Variants in CPN1 observed in about 807,000 individuals in gnomAD.
CPN1 encodes the protein carboxypeptidase N subunit 1.
CPN1 carries 37 observed loss-of-function variants against 46.4 expected under a neutral mutation model. The observed-to-expected ratio is 0.80, with a 90% confidence interval of 0.61 to 1.05. The LOEUF is 1.05. Ranked by LOEUF, CPN1 falls within the 50% of genes least tolerant of loss-of-function variation. The pLI is 0.00. For synonymous variants in CPN1, 224 were observed against 235.4 expected, an observed-to-expected ratio of 0.95 and a Z score of 0.44; for missense variants, 563 against 602.6, an observed-to-expected ratio of 0.93 and a Z score of 0.69.
At chr10:100,065,391 G>C (rs1330468368) in intron 3 of CPN1, 21 bp from the exon 4 acceptor site, 1 of 1,613,736 alleles carries the variant, frequency 6.2e-7, no homozygotes, top group African/African-American at 1.3e-5. Context: ...GCGAGAGGTT[G>C]GCGGTGAAGG....
intron 7 of CPN1, among the ~76,000 whole-genome samples, chr10:100,050,454 C>T (rs191622250): frequency 6.6e-6 from 1 of 152,256 alleles, no homozygotes; most frequent in East Asian, 1.9e-4. Context: ...CACTCAAGCA[C>T]AGACTAGATC....
intron 3 of CPN1, 150 bp from the exon 4 acceptor site, chr10:100,065,520 G>C (rs1015388452): frequency 1.3e-6 from 1 of 784,382 alleles, no homozygotes; most frequent in African/African-American, 1.7e-5. Context: ...AGTGGAGATG[G>C]GGAAATGTTG....
intron 8 of CPN1, among the ~76,000 whole-genome samples, chr10:100,048,297 A>G (rs1292128758): frequency 6.6e-6 from 1 of 152,216 alleles, no homozygotes; most frequent in Non-Finnish European, 1.5e-5. Flanking sequence ...GAGGAAGGAT[A>G]TAACAGGAGA....
intron 2 of CPN1, among the ~76,000 whole-genome samples, chr10:100,073,513 G>C (rs2041497503): frequency 1.3e-5 from 2 of 151,030 alleles, no homozygotes; most frequent in Non-Finnish European, 3.0e-5. Flanking sequence ...TTGTCTCATA[G>C]TTTTGGAGGT....
chr10:100,045,903 C>G (rs2041308372), intron 8 of CPN1, among the ~76,000 whole-genome samples: 2 of 152,094 alleles, frequency 1.3e-5, no homozygotes, highest in African/African-American at 2.4e-5. Flanking sequence ...TGAGGCGGCC[C>G]TAGGAAAGGC....
At chr10:100,072,951 C>A (rs2041493683) in intron 2 of CPN1, among the ~76,000 whole-genome samples, 1 of 152,164 alleles carries the variant, frequency 6.6e-6, no homozygotes, top group South Asian at 2.1e-4. Context: ...AAGGTGGAGC[C>A]CAAATTGTTG....
chr10:100,064,251 C>G (rs2041439014), intron 4 of CPN1, among the ~76,000 whole-genome samples: 2 of 151,856 alleles, frequency 1.3e-5, no homozygotes, highest in Admixed American at 6.6e-5. Flanking sequence ...ATTTACTATA[C>G]AGTGGACAAA....
chr10:100,078,582 T>C (rs1164135623), intron 1 of CPN1, among the ~76,000 whole-genome samples: 1 of 152,218 alleles, frequency 6.6e-6, no homozygotes, highest in East Asian at 1.9e-4. Flanking sequence ...TTGTGGGCCG[T>C]GATGTCTCTG....
Position 100,075,940 on chromosome 10 carries a change from G to C in CPN1, c.391C>G (p.Pro131Ala). The C allele has an allele frequency of 1.9e-6, 3 of 1,614,114 alleles. No homozygotes were observed. Among genetic ancestry groups the C allele is most frequent in the Non-Finnish European group, 2.5e-6 (3 of 1,180,044 alleles). ...TRIHILPSMN[P>A]DGYEVAAAQG... ...GCAGCAGCCACCTCGTAGCCGTCGG[G>C]GTTCATGGATGGCAGGATGTGAATG... The change falls in exon 2 of 9, where the codon CCC becomes GCC. Residue 131 changes from proline (P) to alanine (A), a missense_variant. Coordinates refer to ENST00000370418, the MANE Select transcript of CPN1 (RefSeq NM_001308.3).
chr10:100,070,084 G>A (rs191644150), intron 2 of CPN1, among the ~76,000 whole-genome samples: 8 of 150,842 alleles, frequency 5.3e-5, no homozygotes, highest in Non-Finnish European at 8.9e-5. Context: ...CACCACACCC[G>A]CTAATTGTTC....
rs547280212 is a variant in CPN1 at position 100,077,519 on chromosome 10, T to C, written c.224-1412A>G. On this transcript the variant is annotated intron_variant, in intron 1 of 8. Coordinates refer to ENST00000370418, the MANE Select transcript of CPN1 (RefSeq NM_001308.3). ...GTGCTAGGATTACAGGTGTGAGCCA[T>C]TGCACCCGGCTGGGTTTTACCTATT... is the stretch of plus-strand genomic sequence containing the variant. 2.6e-5 allele frequency among the ~76,000 whole-genome samples: 4 copies of C among 152,168 alleles called. No individual in the cohort carries two copies. In the South Asian group the frequency reaches 8.3e-4, roughly 32 times the overall value.
At chr10:100,049,597 G>A (rs1240323027) in intron 7 of CPN1, among the ~76,000 whole-genome samples, 2 of 151,492 alleles carry the variant, frequency 1.3e-5, no homozygotes, top group South Asian at 2.1e-4. Flanking sequence ...AACAGAGTCC[G>A]GTTCTCACTA....
At chr10:100,047,112 T>C (rs184413414) in intron 8 of CPN1, among the ~76,000 whole-genome samples, 1 of 151,426 alleles carries the variant, frequency 6.6e-6, no homozygotes, top group African/African-American at 2.4e-5. Context: ...GGCATGTGCC[T>C]GTAGTCCCAG....
At chr10:100,072,476 C>T (rs138223980) in intron 2 of CPN1, among the ~76,000 whole-genome samples, 1 of 152,284 alleles carries the variant, frequency 6.6e-6, no homozygotes, top group East Asian at 1.9e-4. Context: ...TTATGTTTAA[C>T]TTTTTGAGAA....
chr10:100,059,369 A>G (rs2133435613), intron 5 of CPN1, among the ~76,000 whole-genome samples: 1 of 149,644 alleles, frequency 6.7e-6, no homozygotes, highest in East Asian at 2.0e-4. Context: ...ATTAATATTC[A>G]GCATACACAG....
At chr10:100,054,506 TAG>T (rs1489507808) in intron 6 of CPN1, 60 bp from the exon 7 acceptor site, 2 of 1,392,632 alleles carry the variant, frequency 1.4e-6, no homozygotes, top group East Asian at 2.3e-5. Context: ...TACAGTGTTT[TAG>T]AGTCTCAAAG....
chr10:100,048,842 T>C lies in CPN1; in HGVS notation c.1146A>G (p.Pro382=). ...CTGTGGCACTAACAGTGTAGATACC[T>C]GGAAGCAGCAGCCGGAAGTAATCAC... ...DHGDYFRLLL[P]GIYTVSATAP... is the part of the protein sequence containing the mutation. The change falls in exon 8 of 9, where the codon CCA becomes CCG. Residue 382 remains proline (P), a synonymous_variant. Coordinates refer to ENST00000370418, the MANE Select transcript of CPN1 (RefSeq NM_001308.3). The C allele has an allele frequency of 1.9e-6, 3 of 1,613,818 alleles. 1 individual carries two copies. The highest frequency in any genetic ancestry group is 3.3e-4 in the Middle Eastern group (2 of 6,062).
chr10:100,066,690 A>G (rs1382017593), intron 3 of CPN1, among the ~76,000 whole-genome samples: 1 of 152,244 alleles, frequency 6.6e-6, no homozygotes, highest in Non-Finnish European at 1.5e-5. Flanking sequence ...AGGATGAACA[A>G]GTTTAGAGAT....
chr10:100,045,438 A>G (rs573284373), intron 8 of CPN1, among the ~76,000 whole-genome samples: 24 of 152,364 alleles, frequency 1.6e-4, no homozygotes, highest in African/African-American at 4.6e-4. Context: ...CTGTAAGCAG[A>G]AGTAATTTAC....
Sources: allele counts gnomAD v4.1 joint callset (sites outside exome capture counted in the v4.1 genomes callset), GRCh38; gene constraint gnomAD v4.1.1; transcripts MANE v1.5; gene names NCBI Gene and HGNC (gene_info 2026-07-23, HGNC 2026-07-21).